AGPAT4: variants seen among roughly 807,000 people sequenced by gnomAD.
AGPAT4 encodes the protein 1-acyl-sn-glycerol-3-phosphate acyltransferase delta.
Under a neutral mutation model 48.0 loss-of-function variants are expected in AGPAT4, and 15 were observed. The ratio of observed to expected loss-of-function variants is 0.31; its 90% CI spans 0.21 to 0.48. The LOEUF (loss-of-function observed/expected upper bound fraction) is 0.48. Ranked by LOEUF, AGPAT4 falls within the 20% of genes least tolerant of loss-of-function variation. The pLI, the probability that AGPAT4 is intolerant of heterozygous loss-of-function variation, is 0.99. For synonymous variants in AGPAT4, 178 were observed against 198.7 expected, an observed-to-expected ratio of 0.90 and a Z score of 0.88; for missense variants, 314 against 482.5, an observed-to-expected ratio of 0.65 and a Z score of 3.27.
In AGPAT4 at chr6:161,131,027, T is replaced by C. The variant is rs1024074700; in HGVS notation, c.*5513A>G. 2 of 409,132 alleles carry C rather than the reference T, an allele frequency of 4.9e-6. No homozygotes were observed. Among genetic ancestry groups the C allele is most frequent in the African/African-American group, 2.0e-5 (1 of 50,040 alleles). The allele number at this position is 409,132 out of a possible 1,614,324, so 25.3% of individuals were successfully genotyped here. Reference sequence around the variant, plus strand: ...TTATTTTGGAAATGCAAAGGAATTATTATGCAGCAATCTTAACTTTGTGTA... The same window carrying C: ...TTATTTTGGAAATGCAAAGGAATTACTATGCAGCAATCTTAACTTTGTGTA... On this transcript the variant is annotated 3_prime_UTR_variant, in exon 9 of 9. Coordinates refer to ENST00000320285, the MANE Select transcript of AGPAT4 (RefSeq NM_020133.3).
chr6:161,242,911 C>T lies in AGPAT4; in HGVS notation c.-89-10609G>A, dbSNP rs888783930. Among the ~76,000 whole-genome samples, 2 of 151,862 alleles carry T rather than the reference C, an allele frequency of 1.3e-5. No individual in the cohort carries two copies. The highest frequency in any genetic ancestry group is 1.5e-5 in the Non-Finnish European group (1 of 67,952). On this transcript the variant is annotated intron_variant, in intron 1 of 8. Coordinates refer to ENST00000320285, the MANE Select transcript of AGPAT4 (RefSeq NM_020133.3). This position sits in a 1 kb window ranked among gnomAD's most constrained non-coding sequence, Gnocchi z 5.0. ...AGTGAAACCCCGTCTCTACTAAGAA[C>T]ACAAAAATTAGCCGGGCGTGGTGGC...
chr6:161,181,197 G>A (rs1468498167), intron 2 of AGPAT4, among the ~76,000 whole-genome samples: 4 of 152,324 alleles, frequency 2.6e-5, no homozygotes, highest in South Asian at 2.1e-4. Context: ...CCCCAGCAAC[G>A]CTGTGAAGGG....
In AGPAT4 at chr6:161,141,689, A is replaced by T. The variant is rs915810593; in HGVS notation, c.844-2069T>A. 2.6e-5 allele frequency among the ~76,000 whole-genome samples: 4 copies of T among 152,200 alleles called. No homozygotes were observed. Among genetic ancestry groups the T allele is most frequent in the African/African-American group, 7.2e-5 (3 of 41,512 alleles). Reference sequence around the variant, plus strand: ...GGCTTTTGAATTTATTTTCCTTAACAGTCTTTATAGTGCTTTTTTACAGTA... The same window carrying T: ...GGCTTTTGAATTTATTTTCCTTAACTGTCTTTATAGTGCTTTTTTACAGTA... On this transcript the variant is annotated intron_variant, in intron 7 of 8. Transcript: ENST00000320285. This position sits in a 1 kb window ranked among gnomAD's most constrained non-coding sequence, Gnocchi z 6.7.
At chr6:161,224,529 C>T (rs147666166) in intron 2 of AGPAT4, among the ~76,000 whole-genome samples, 124 of 150,946 alleles carry the variant, frequency 8.2e-4, no homozygotes, top group Non-Finnish European at 1.6e-3. Context: ...GTAATCCCAG[C>T]TACTCGGGAG....
At position 161,219,273 on chromosome 6, in the gene AGPAT4, T is replaced by G. The variant is rs941760203; in HGVS notation, c.178+12763A>C. ...TAAAAAAAAAATTAAATATGCACCATTAGCATATACAACTTTTATATATGT... is the reference window on the plus strand; with the variant it reads ...TAAAAAAAAAATTAAATATGCACCAGTAGCATATACAACTTTTATATATGT... On this transcript the variant is annotated intron_variant, in intron 2 of 8. Coordinates refer to ENST00000320285, the MANE Select transcript of AGPAT4 (RefSeq NM_020133.3). This position sits in a 1 kb window ranked among gnomAD's most constrained non-coding sequence, Gnocchi z 4.9. 6.6e-6 allele frequency among the ~76,000 whole-genome samples: 1 copy of G among 152,058 alleles called. No homozygotes were observed. The highest frequency in any genetic ancestry group is 1.5e-5 in the Non-Finnish European group (1 of 68,018).
rs1217394015 is a variant in AGPAT4, at chr6:161,216,385, C to G, written c.178+15651G>C. Among the ~76,000 whole-genome samples, 1 of 152,184 alleles carries G rather than the reference C, an allele frequency of 6.6e-6. No homozygotes were observed. The highest frequency in any genetic ancestry group is 1.5e-5 in the Non-Finnish European group (1 of 68,038). On this transcript the variant is annotated intron_variant, in intron 2 of 8. Transcript: ENST00000320285. The surrounding 1 kb of genome is among the most constrained non-coding windows in gnomAD (Gnocchi z 4.8). ...TCTCTTGTCCAGGATGACAGACAAC[C>G]TCTGCAACTGCCTTCTACAATCTTC...
chr6:161,161,239 C>T lies in AGPAT4; in HGVS notation c.348+5009G>A. 2.2e-6 allele frequency: 1 copy of T among 456,684 alleles called. No homozygotes were observed. The highest frequency in any genetic ancestry group is 1.5e-5 in the South Asian group (1 of 64,564). 28.3% of individuals were successfully genotyped at this position (456,684 alleles called of 1,614,324 possible). ...AGACCCCGGTGTGTCCAACGTGGGA[C>T]CGGACTTTTACAGATGAGCATGCGC... On this transcript the variant is annotated intron_variant, in intron 3 of 8. Transcript: ENST00000320285. This position sits in a 1 kb window ranked among gnomAD's most constrained non-coding sequence, Gnocchi z 4.6.
At position 161,152,543 on chromosome 6, in the gene AGPAT4, A is replaced by G. The variant is rs535632903; in HGVS notation, c.664+803T>C. ...GGGGTCAGCCAGGGCTGGAGAAACC[A>G]AGGGGCCCCAGATGCAGGCCTGGGG... On this transcript the variant is annotated intron_variant, in intron 5 of 8. Coordinates refer to ENST00000320285, the MANE Select transcript of AGPAT4 (RefSeq NM_020133.3). Among the ~76,000 whole-genome samples the G allele has an allele frequency of 4.5e-3, 686 of 152,292 alleles. 9 individuals carry two copies. Among genetic ancestry groups the G allele is most frequent in the African/African-American group, 0.015 (605 of 41,570 alleles).
intron 1 of AGPAT4, among the ~76,000 whole-genome samples, chr6:161,263,327 T>C (rs1783160937): frequency 6.6e-6 from 1 of 152,020 alleles, no homozygotes; most frequent in African/African-American, 2.4e-5. Context: ...CTGTCTCTAC[T>C]AAAAATACAA....
rs138838262 is a variant in AGPAT4, at chr6:161,239,931, G to T, written c.-89-7629C>A. On this transcript the variant is annotated intron_variant, in intron 1 of 8. Transcript: ENST00000320285. ...ATCTTAAGGACAAAATTAACTTTCA[G>T]AAAATTCCCTATGTATAAAGATATT... Among the ~76,000 whole-genome samples, 397 of 152,048 alleles carry T rather than the reference G, an allele frequency of 2.6e-3. 7 individuals are homozygous for T. The highest frequency in any genetic ancestry group is 9.1e-3 in the African/African-American group (379 of 41,452).
At chr6:161,167,208 T>C (rs1288750064) in intron 2 of AGPAT4, among the ~76,000 whole-genome samples, 1 of 151,944 alleles carries the variant, frequency 6.6e-6, no homozygotes, top group Non-Finnish European at 1.5e-5. Flanking sequence ...GGCGCCTGAG[T>C]GCTCTGCGAG....
Position 161,229,085 on chromosome 6 carries a change from G to T in AGPAT4, c.178+2951C>A, listed in dbSNP as rs144327142. Among the ~76,000 whole-genome samples, 206 of 151,938 alleles carry T rather than the reference G, an allele frequency of 1.4e-3. No homozygotes were observed. The highest frequency in any genetic ancestry group is 4.8e-3 in the African/African-American group (199 of 41,432). Reference sequence around the variant, plus strand: ...GCCTTTTGCATGAGAGCTTTACCACGCCAGGGCTGGTAACTGCTTTGAACT... The same window carrying T: ...GCCTTTTGCATGAGAGCTTTACCACTCCAGGGCTGGTAACTGCTTTGAACT... On this transcript the variant is annotated intron_variant, in intron 2 of 8. Coordinates refer to ENST00000320285, the MANE Select transcript of AGPAT4 (RefSeq NM_020133.3). This position sits in a 1 kb window ranked among gnomAD's most constrained non-coding sequence, Gnocchi z 6.0.
chr6:161,170,421 T>C (rs564259717), intron 2 of AGPAT4, among the ~76,000 whole-genome samples: 77 of 152,140 alleles, frequency 5.1e-4, no homozygotes, highest in African/African-American at 1.8e-3. Context: ...AATAGTCTTA[T>C]AGTTTTTTCC....
At chr6:161,181,510 C>CG (rs554688385) in intron 2 of AGPAT4, among the ~76,000 whole-genome samples, 1,347 of 112,210 alleles carry the variant, frequency 0.012, 59 homozygotes, top group African/African-American at 0.037. Flanking sequence ...TAGCAGGGGG[C>CG]GGGGGGCGCT....
At chr6:161,241,537 G>C (rs1344974724) in intron 1 of AGPAT4, among the ~76,000 whole-genome samples, 2 of 152,146 alleles carry the variant, frequency 1.3e-5, no homozygotes, top group African/African-American at 4.8e-5. Flanking sequence ...ATATTTAATA[G>C]TTGGTTCTGA....
chr6:161,268,262 C>T (rs1562364847), intron 1 of AGPAT4, among the ~76,000 whole-genome samples: 1 of 152,210 alleles, frequency 6.6e-6, no homozygotes, highest in East Asian at 1.9e-4. Flanking sequence ...AGCCAGTCAC[C>T]TCAGTGTCTC....
intron 2 of AGPAT4, among the ~76,000 whole-genome samples, chr6:161,179,535 G>C (rs576131989): frequency 6.6e-6 from 1 of 152,174 alleles, no homozygotes; most frequent in African/African-American, 2.4e-5. Context: ...CCCTGCACCA[G>C]CCAGTACATT....
In AGPAT4 at chr6:161,219,999, A is replaced by G. The variant is rs1296508459; in HGVS notation, c.178+12037T>C. ...GCAGATAGATACATTTAAAAAATAA[A>G]TGGATTATTACTCAAAATACACAAG... On this transcript the variant is annotated intron_variant, in intron 2 of 8. Coordinates refer to ENST00000320285, the MANE Select transcript of AGPAT4 (RefSeq NM_020133.3). This position sits in a 1 kb window ranked among gnomAD's most constrained non-coding sequence, Gnocchi z 4.9. Among the ~76,000 whole-genome samples, 1 of 152,144 alleles carries G rather than the reference A, an allele frequency of 6.6e-6. No individual in the cohort carries two copies. The highest frequency in any genetic ancestry group is 6.6e-5 in the Admixed American group (1 of 15,266).
chr6:161,246,629 G>A lies in AGPAT4; in HGVS notation c.-89-14327C>T, dbSNP rs552451000. On this transcript the variant is annotated intron_variant, in intron 1 of 8. Transcript: ENST00000320285. The surrounding 1 kb of genome is among the most constrained non-coding windows in gnomAD (Gnocchi z 5.5). ...TCTCCATGTTGGTCAGGCTGGTCTC[G>A]AACTCCCAATCTCAGGTGATCCACC... Among the ~76,000 whole-genome samples, 31 of 152,008 alleles carry A rather than the reference G, an allele frequency of 2.0e-4. No individual in the cohort carries two copies. Among genetic ancestry groups the A allele is most frequent in the East Asian group, 5.8e-4 (3 of 5,156 alleles).
Sources: gnomAD v4.1 joint callset for allele counts (sites outside exome capture counted in the v4.1 genomes callset) on GRCh38, gnomAD v4.1.1 for gene constraint, Gnocchi (gnomAD v3.1) non-coding constraint, MANE v1.5 for transcripts, NCBI Gene and HGNC (gene_info 2026-07-23, HGNC 2026-07-21) for gene names.